Variants in MGAT5 observed in about 807,000 individuals in gnomAD.
MGAT5 encodes the protein alpha-1,6-mannosylglycoprotein 6-beta-N-acetylglucosaminyltransferase A.
A neutral mutation model predicts 94.3 loss-of-function variants in MGAT5; 30 were observed. That is an observed-to-expected ratio of 0.32 (90% CI 0.24 to 0.43). MGAT5 has a LOEUF of 0.43. Among genes scored for constraint, MGAT5 ranks in the 20% least tolerant of loss-of-function variants. The pLI, the probability that MGAT5 is intolerant of heterozygous loss-of-function variation, is 1.00. For missense variants in MGAT5, 691 were observed against 905.5 expected, an observed-to-expected ratio of 0.76 and a Z score of 3.04; for synonymous variants, 310 against 322.9, an observed-to-expected ratio of 0.96 and a Z score of 0.43.
At chr2:134,323,836 A>G (rs2105923082) in intron 4 of MGAT5, among the ~76,000 whole-genome samples, 1 of 152,134 alleles carries the variant, frequency 6.6e-6, no homozygotes, top group East Asian at 1.9e-4. Context: ...GGTAGGAATG[A>G]GCAAATGATT....
At chr2:134,415,903 G>A (rs72980068) in intron 12 of MGAT5, among the ~76,000 whole-genome samples, 16,301 of 152,096 alleles carry the variant, frequency 0.11, 940 homozygotes, top group African/African-American at 0.14. Flanking sequence ...TCTTGTCAGC[G>A]TCGTTGGGAA....
intron 2 of MGAT5, among the ~76,000 whole-genome samples, chr2:134,309,209 G>A (rs1157404805): frequency 1.3e-5 from 2 of 152,132 alleles, no homozygotes; most frequent in Admixed American, 1.3e-4. Flanking sequence ...ACCATATTTG[G>A]TCTGTTAATT....
chr2:134,260,363 G>A (rs1186610770), intron 1 of MGAT5, among the ~76,000 whole-genome samples: 1 of 152,172 alleles, frequency 6.6e-6, no homozygotes, highest in Non-Finnish European at 1.5e-5. Context: ...GCAGTGGAGA[G>A]GTAACTGCTT....
intron 9 of MGAT5, among the ~76,000 whole-genome samples, 165 bp downstream of exon 9, chr2:134,350,103 G>GTTTTTGTTTTTA (rs1679280531): frequency 2.0e-5 from 3 of 152,018 alleles, no homozygotes; most frequent in South Asian, 2.1e-4. Context: ...TTTTGTTTTT[G>GTTTTTGTTTTTA]TTTTTTAGTT....
chr2:134,375,101 G>A (rs574106884), intron 10 of MGAT5, among the ~76,000 whole-genome samples: 54 of 152,310 alleles, frequency 3.5e-4, no homozygotes, highest in African/African-American at 1.3e-3. Context: ...GATAGATTGA[G>A]CTCCTTGAGG....
At chr2:134,138,036 G>C (rs1205039074) in intron 1 of MGAT5, among the ~76,000 whole-genome samples, 2 of 150,616 alleles carry the variant, frequency 1.3e-5, no homozygotes, top group African/African-American at 4.9e-5. Flanking sequence ...CTCTTGCCCA[G>C]GCTAGAGGGC....
intron 1 of MGAT5, among the ~76,000 whole-genome samples, chr2:134,148,330 A>G (rs1329205429): frequency 6.6e-6 from 1 of 151,970 alleles, no homozygotes; most frequent in Non-Finnish European, 1.5e-5. Context: ...GAATTCTAGC[A>G]CTCTGGCCAT....
chr2:134,217,040 G>A (rs1680530652), intron 1 of MGAT5, among the ~76,000 whole-genome samples: 1 of 152,156 alleles, frequency 6.6e-6, no homozygotes, highest in Admixed American at 6.5e-5. Context: ...TATCTCTGTG[G>A]ATTGTAGATG....
chr2:134,252,314 A>C (rs1682654571), upstream of MGAT5, among the ~76,000 whole-genome samples: 1 of 152,178 alleles, frequency 6.6e-6, no homozygotes. Context: ...GGTTTATGGT[A>C]ATGAGCAGAC....
chr2:134,264,020 T>TTG (rs1253722323), intron 1 of MGAT5, among the ~76,000 whole-genome samples: 1,431 of 125,900 alleles, frequency 0.011, 45 homozygotes, highest in African/African-American at 0.04. Context: ...CCATTAGGTT[T>TTG]TTTTTTTTTT....
intron 1 of MGAT5, among the ~76,000 whole-genome samples, chr2:134,270,054 A>T (rs1477906839): frequency 6.6e-6 from 1 of 152,256 alleles, no homozygotes; most frequent in Non-Finnish European, 1.5e-5. Flanking sequence ...GCTTTGTGTG[A>T]GAAACTATGG....
At chr2:134,277,229 G>A (rs1261237726) in intron 2 of MGAT5, among the ~76,000 whole-genome samples, 1 of 152,038 alleles carries the variant, frequency 6.6e-6, no homozygotes, top group Non-Finnish European at 1.5e-5. Context: ...TTGTAAAATG[G>A]GGGAAATAAT....
At chr2:134,394,059 G>A (rs1305383108) in intron 10 of MGAT5, among the ~76,000 whole-genome samples, 1 of 152,152 alleles carries the variant, frequency 6.6e-6, no homozygotes, top group Non-Finnish European at 1.5e-5. Context: ...TGCCTCACAC[G>A]CCTTTTTCCC....
intron 1 of MGAT5, among the ~76,000 whole-genome samples, chr2:134,248,866 A>C (rs1309217669): frequency 6.6e-6 from 1 of 152,074 alleles, no homozygotes; most frequent in Non-Finnish European, 1.5e-5. Flanking sequence ...TTGGATGGCC[A>C]CCTGGAGGAA....
chr2:134,266,899 G>A (rs1462007269), intron 1 of MGAT5, among the ~76,000 whole-genome samples: 1 of 152,186 alleles, frequency 6.6e-6, no homozygotes, highest in Non-Finnish European at 1.5e-5. Flanking sequence ...GAGAATTCAA[G>A]GTTTTTAGTA....
chr2:134,350,220 C>T (rs973577173), intron 9 of MGAT5, among the ~76,000 whole-genome samples: 27 of 152,244 alleles, frequency 1.8e-4, no homozygotes, highest in African/African-American at 6.5e-4. Context: ...AAGGACTTTG[C>T]AGTTACTTTA....
intron 8 of MGAT5, among the ~76,000 whole-genome samples, chr2:134,347,545 A>G (rs947990115): frequency 1.3e-5 from 2 of 152,350 alleles, no homozygotes; most frequent in African/African-American, 2.4e-5. Flanking sequence ...TTTTATATCC[A>G]TGAGTTCCAC....
At chr2:134,385,173 T>G (rs911482155) in intron 10 of MGAT5, among the ~76,000 whole-genome samples, 1 of 152,264 alleles carries the variant, frequency 6.6e-6, no homozygotes, top group Non-Finnish European at 1.5e-5. Flanking sequence ...CCAAAGTGAC[T>G]TACATGTTCT....
chr2:134,380,835 G>C (rs1020837542), intron 10 of MGAT5, among the ~76,000 whole-genome samples: 1 of 152,192 alleles, frequency 6.6e-6, no homozygotes, highest in Non-Finnish European at 1.5e-5. Context: ...CTGTAGAGCA[G>C]ACACTGTTGT....
Sources: allele counts gnomAD v4.1 joint callset (sites outside exome capture counted in the v4.1 genomes callset), GRCh38; gene constraint gnomAD v4.1.1; transcripts MANE v1.5; gene names NCBI Gene and HGNC (gene_info 2026-07-23, HGNC 2026-07-21).